Variants in ZNF385B observed in about 807,000 individuals in gnomAD.
ZNF385B encodes zinc finger protein 385B, also known as zinc finger protein 533.
A neutral mutation model predicts 39.2 loss-of-function variants in ZNF385B; 23 were observed. The observed-to-expected ratio is 0.59, with a 90% CI of 0.42 to 0.83. The LOEUF is 0.83. Ranked by LOEUF, ZNF385B falls within the 40% of genes least tolerant of loss-of-function variation. ZNF385B has a pLI of 0.00. For synonymous variants in ZNF385B, 205 were observed against 222.6 expected (o/e 0.92, Z 0.70); for missense variants, 552 against 598.9 (o/e 0.92, Z 0.82).
chr2:179,747,319 G>A (rs1018761477), intron 3 of ZNF385B, among the ~76,000 whole-genome samples: 2 of 152,126 alleles, frequency 1.3e-5, no homozygotes, highest in African/African-American at 4.8e-5. Flanking sequence ...CTTGGAGACA[G>A]ATTAGACACA....
intron 1 of ZNF385B, among the ~76,000 whole-genome samples, chr2:179,792,576 T>C (rs1052005991): frequency 6.9e-6 from 1 of 144,856 alleles, no homozygotes; most frequent in Non-Finnish European, 1.5e-5. Context: ...AGTTTCACCA[T>C]GTTGGCCAGG....
chr2:179,731,521 C>T (rs770806522), intron 3 of ZNF385B, among the ~76,000 whole-genome samples: 8 of 152,186 alleles, frequency 5.3e-5, no homozygotes, highest in East Asian at 1.9e-4. Flanking sequence ...CCCCTTTAAC[C>T]GGTGATTCTC....
At chr2:179,649,279 T>A (rs1693006454) in intron 3 of ZNF385B, among the ~76,000 whole-genome samples, 1 of 152,176 alleles carries the variant, frequency 6.6e-6, no homozygotes, top group Non-Finnish European at 1.5e-5. Context: ...TGACACATAA[T>A]CAGTGATTTT....
At position 179,681,056 on chromosome 2, in the gene ZNF385B, A is replaced by G. The variant is rs1575213052; in HGVS notation, c.298+88447T>C. 2.0e-5 allele frequency among the ~76,000 whole-genome samples: 3 copies of G among 151,300 alleles called. No individual in the cohort carries two copies. In the East Asian group the frequency reaches 5.8e-4, roughly 29 times the overall value. The stretch of plus-strand genomic sequence containing the variant: ...GTTTAAAATAATGTGAGACCAGAAT[A>G]AATTATCTATGACTTAAACAACTGT... On this transcript the variant is annotated intron_variant, in intron 3 of 9. Transcript: ENST00000410066.
chr2:179,662,358 A>AT (rs202113925), intron 3 of ZNF385B, among the ~76,000 whole-genome samples: 35,361 of 139,298 alleles, frequency 0.25, 4,597 homozygotes, highest in Admixed American at 0.31. Flanking sequence ...TTTATGGGTA[A>AT]TTTTTTTTTT....
chr2:179,533,650 G>A (rs1197497220), intron 4 of ZNF385B, among the ~76,000 whole-genome samples: 3 of 152,102 alleles, frequency 2.0e-5, no homozygotes, highest in Non-Finnish European at 4.4e-5. Flanking sequence ...AGATGTGTAA[G>A]AGTCAAAGTT....
intron 1 of ZNF385B, among the ~76,000 whole-genome samples, chr2:179,858,768 T>C (rs536496769): frequency 2.0e-5 from 3 of 152,278 alleles, no homozygotes; most frequent in South Asian, 4.1e-4. Context: ...TGAAGACATA[T>C]AGGATATTAT....
intron 3 of ZNF385B, among the ~76,000 whole-genome samples, chr2:179,733,979 C>A (rs1383146902): frequency 6.6e-6 from 1 of 152,108 alleles, no homozygotes; most frequent in South Asian, 2.1e-4. Flanking sequence ...TGTACATACA[C>A]ACATACAAAC....
chr2:179,493,643 A>G (rs1485684711), intron 5 of ZNF385B, among the ~76,000 whole-genome samples: 2 of 121,424 alleles, frequency 1.6e-5, no homozygotes, highest in African/African-American at 3.1e-5. Flanking sequence ...ATGTATACAC[A>G]TATGCGTATA....
intron 1 of ZNF385B, among the ~76,000 whole-genome samples, chr2:179,840,028 A>G (rs1708461960): frequency 6.6e-6 from 1 of 152,258 alleles, no homozygotes; most frequent in Non-Finnish European, 1.5e-5. Flanking sequence ...AGCTTCCCAG[A>G]GCACAGGGTA....
At chr2:179,499,894 C>T (rs2056599549) in intron 5 of ZNF385B, among the ~76,000 whole-genome samples, 1 of 151,920 alleles carries the variant, frequency 6.6e-6, no homozygotes. Context: ...TAAATAAAGA[C>T]TCTCCACATA....
At chr2:179,616,664 A>G (rs748094533) in intron 3 of ZNF385B, among the ~76,000 whole-genome samples, 20 of 152,100 alleles carry the variant, frequency 1.3e-4, no homozygotes, top group Non-Finnish European at 2.6e-4. Context: ...GGATCAAACA[A>G]TCTTCTCACC....
chr2:179,631,600 G>T (rs936421387), intron 3 of ZNF385B, among the ~76,000 whole-genome samples: 2 of 152,184 alleles, frequency 1.3e-5, no homozygotes, highest in African/African-American at 4.8e-5. Context: ...ATGCTATGAA[G>T]AAACTGCATC....
intron 3 of ZNF385B, among the ~76,000 whole-genome samples, chr2:179,757,426 G>C (rs1205447855): frequency 6.6e-6 from 1 of 152,226 alleles, no homozygotes; most frequent in Non-Finnish European, 1.5e-5. Flanking sequence ...CACTTGAGGA[G>C]GCAGTCTGCC....
intron 5 of ZNF385B, among the ~76,000 whole-genome samples, chr2:179,493,813 A>ATGTG (rs2055849376): frequency 6.9e-6 from 1 of 145,906 alleles, no homozygotes; most frequent in African/African-American, 2.5e-5. Flanking sequence ...ATATATACAT[A>ATGTG]TATATATAGC....
chr2:179,529,556 T>C (rs373175672), intron 4 of ZNF385B, among the ~76,000 whole-genome samples: 13 of 152,128 alleles, frequency 8.5e-5, no homozygotes, highest in African/African-American at 2.9e-4. Context: ...TTGAAAAAAA[T>C]ATGAGAAAAT....
chr2:179,453,582 T>A lies in ZNF385B; in HGVS notation c.716-6812A>T, dbSNP rs191554149. Among the ~76,000 whole-genome samples, 90 of 152,268 alleles carry A rather than the reference T, an allele frequency of 5.9e-4. 1 individual carries two copies. Among genetic ancestry groups the A allele is most frequent in the Admixed American group, 5.9e-3 (90 of 15,276 alleles). ...TAGACTACTGCAGGTCTTGGCAATT[T>A]GTTCCTCACTTGTGGTCGGAGGGAG... On this transcript the variant is annotated intron_variant, in intron 6 of 9. Transcript: ENST00000410066.
At chr2:179,561,343 T>C (rs2061325388) in intron 3 of ZNF385B, among the ~76,000 whole-genome samples, 1 of 152,160 alleles carries the variant, frequency 6.6e-6, no homozygotes, top group African/African-American at 2.4e-5. Flanking sequence ...CAATATTGTC[T>C]GCCAAGAGGT....
At chr2:179,604,413 T>A (rs570255167) in intron 3 of ZNF385B, among the ~76,000 whole-genome samples, 36 of 151,640 alleles carry the variant, frequency 2.4e-4, no homozygotes, top group Non-Finnish European at 4.7e-4. Context: ...GAAAAAAAAA[T>A]ACAAAAATAA....
Sources: allele counts gnomAD v4.1 joint callset (sites outside exome capture counted in the v4.1 genomes callset), GRCh38; gene constraint gnomAD v4.1.1; transcripts MANE v1.5; gene names NCBI Gene and HGNC (gene_info 2026-07-23, HGNC 2026-07-21).